Variants in CDK14 observed in about 807,000 individuals in gnomAD.
CDK14 encodes the protein cyclin-dependent kinase 14.
Under a neutral mutation model 60.7 loss-of-function variants are expected in CDK14, and 34 were observed. That is an observed-to-expected ratio of 0.56 (90% CI 0.43 to 0.75). The LOEUF (loss-of-function observed/expected upper bound fraction) is 0.75, where lower values mean the gene tolerates loss of function less well. CDK14 is among the 30% of genes least tolerant of loss of function. CDK14 has a pLI of 0.00. For synonymous variants in CDK14, 197 were observed against 203.7 expected (o/e 0.97, Z 0.28); for missense variants, 482 against 564.1 (o/e 0.85, Z 1.47).
At chr7:90,869,761 G>A (rs1013113688) in intron 6 of CDK14, among the ~76,000 whole-genome samples, 4 of 152,170 alleles carry the variant, frequency 2.6e-5, no homozygotes, top group East Asian at 1.9e-4. Flanking sequence ...TTAAAAGTGG[G>A]CAGGAACAGC....
intron 7 of CDK14, 101 bp from the exon 8 acceptor site, chr7:90,917,500 C>T: frequency 9.1e-7 from 1 of 1,100,778 alleles, no homozygotes; most frequent in Non-Finnish European, 1.3e-6. Flanking sequence ...GTGATGGTTA[C>T]CCATTTTCCC....
intron 10 of CDK14, among the ~76,000 whole-genome samples, chr7:91,037,458 G>C (rs1796965528): frequency 6.6e-6 from 1 of 151,838 alleles, no homozygotes; most frequent in South Asian, 2.1e-4. Flanking sequence ...GAGGGAGAGA[G>C]AGCATGAAAA....
chr7:91,120,196 T>C (rs1217968813), intron 14 of CDK14, among the ~76,000 whole-genome samples: 1 of 152,182 alleles, frequency 6.6e-6, no homozygotes, highest in Non-Finnish European at 1.5e-5. Context: ...CTTGGCTCTT[T>C]TGAGATCCCC....
At chr7:90,816,858 A>T (rs1183806206) in intron 5 of CDK14, among the ~76,000 whole-genome samples, 2 of 152,196 alleles carry the variant, frequency 1.3e-5, no homozygotes, top group South Asian at 4.1e-4. Flanking sequence ...ATTAGTGGTG[A>T]TGTAATCTGT....
rs986304953 is a variant in CDK14, at chr7:90,733,639, T to C, written c.369+6827T>C. 3.3e-5 allele frequency among the ~76,000 whole-genome samples: 5 copies of C among 152,164 alleles called. No homozygotes were observed. In the East Asian group the frequency reaches 7.7e-4, roughly 23 times the overall value. ...TGTTTTATCGAGTGCAACCCTTGCT[T>C]TTGTTGCTTTCCGTTTGGTTGGTAA... On this transcript the variant is annotated intron_variant, in intron 3 of 14. Transcript: ENST00000380050.
chr7:91,113,582 CT>C (rs1799531742), intron 13 of CDK14, among the ~76,000 whole-genome samples: 1 of 152,080 alleles, frequency 6.6e-6, no homozygotes, highest in African/African-American at 2.4e-5. Context: ...CTTCTATACT[CT>C]TTTCTGATTG....
At chr7:90,895,392 T>TCCC (rs1792281426) in intron 6 of CDK14, among the ~76,000 whole-genome samples, 1 of 8,374 alleles carries the variant, frequency 1.2e-4, no homozygotes, top group Non-Finnish European at 2.0e-4. Flanking sequence ...TCTCCTCTCC[T>TCCC]CTCCTCTCCT....
At chr7:91,163,887 C>G (rs1185773575) in intron 14 of CDK14, among the ~76,000 whole-genome samples, 5 of 152,036 alleles carry the variant, frequency 3.3e-5, no homozygotes, top group Non-Finnish European at 4.4e-5. Flanking sequence ...GTTATTATAA[C>G]CATTTAGGCT....
At chr7:90,777,148 A>G (rs1333844131) in intron 4 of CDK14, among the ~76,000 whole-genome samples, 2 of 152,174 alleles carry the variant, frequency 1.3e-5, no homozygotes, top group Admixed American at 1.3e-4. Flanking sequence ...AAATGTTCCC[A>G]GTTATGTTCT....
intron 10 of CDK14, among the ~76,000 whole-genome samples, chr7:90,988,157 CT>C (rs1219890982): frequency 1.3e-5 from 2 of 152,012 alleles, no homozygotes; most frequent in African/African-American, 2.4e-5. Flanking sequence ...TCCCTATTCT[CT>C]TTTTTTCTTC....
chr7:90,916,313 T>G (rs1793081280), intron 7 of CDK14, among the ~76,000 whole-genome samples: 1 of 152,232 alleles, frequency 6.6e-6, no homozygotes, highest in Admixed American at 6.5e-5. Flanking sequence ...ATTCTTGAGT[T>G]AGTCTTTTAA....
chr7:90,668,057 C>T (rs1584781209), intron 2 of CDK14, among the ~76,000 whole-genome samples: 1 of 152,068 alleles, frequency 6.6e-6, no homozygotes, highest in Non-Finnish European at 1.5e-5. Flanking sequence ...TTTGCTAGGT[C>T]GTATAGTAAC....
At chr7:90,917,966 G>T (rs1294303955) in intron 8 of CDK14, among the ~76,000 whole-genome samples, 1 of 151,688 alleles carries the variant, frequency 6.6e-6, no homozygotes, top group African/African-American at 2.4e-5. Flanking sequence ...TCAGATCTTG[G>T]TAATATATAT....
At chr7:91,030,767 C>A (rs1235343479) in intron 10 of CDK14, among the ~76,000 whole-genome samples, 1 of 152,216 alleles carries the variant, frequency 6.6e-6, no homozygotes, top group Non-Finnish European at 1.5e-5. Flanking sequence ...CACTAGAGTT[C>A]TTGTCACTTC....
At chr7:91,143,801 T>C (rs1026903244) in intron 14 of CDK14, among the ~76,000 whole-genome samples, 3 of 151,520 alleles carry the variant, frequency 2.0e-5, no homozygotes, top group Non-Finnish European at 2.9e-5. Context: ...TTTACATGAG[T>C]AATTTCATTT....
chr7:91,082,714 G>T (rs1466103620), intron 12 of CDK14, among the ~76,000 whole-genome samples: 1 of 152,110 alleles, frequency 6.6e-6, no homozygotes, highest in East Asian at 1.9e-4. Context: ...TAACTTCCAA[G>T]ACATATTTTA....
intron 8 of CDK14, among the ~76,000 whole-genome samples, chr7:90,938,860 T>C (rs1793830187): frequency 6.6e-6 from 1 of 152,238 alleles, no homozygotes; most frequent in African/African-American, 2.4e-5. Context: ...TGTATTTGTT[T>C]ACAACATTTG....
intron 14 of CDK14, among the ~76,000 whole-genome samples, chr7:91,178,857 A>G (rs367681077): frequency 0.06 from 9,009 of 151,266 alleles, 778 homozygotes; most frequent in African/African-American, 0.2. Flanking sequence ...TACACTGTTG[A>G]TGGGACTGTA....
rs1306948086 is a variant in CDK14, at chr7:90,917,702, G to A, written c.804G>A (p.Gly268=). 6.2e-7 allele frequency: 1 copy of A among 1,613,240 alleles called. No individual in the cohort carries two copies. The highest frequency in any genetic ancestry group is 2.2e-5 in the East Asian group (1 of 44,854). ...AGAACCTTCTGATCAGTGACACGGGGGAGTTAAAGCTGGCAGATTTCGGTA... is the reference window on the plus strand; with the variant it reads ...AGAACCTTCTGATCAGTGACACGGGAGAGTTAAAGCTGGCAGATTTCGGTA... ...KPQNLLISDT[G]ELKLADFGLA... Residue 268 remains glycine, a synonymous_variant, in exon 8 of 15, where the codon GGG becomes GGA. Transcript: ENST00000380050.
Sources: gnomAD v4.1 joint callset for allele counts (sites outside exome capture counted in the v4.1 genomes callset) on GRCh38, gnomAD v4.1.1 for gene constraint, MANE v1.5 for transcripts, NCBI Gene and HGNC (gene_info 2026-07-23, HGNC 2026-07-21) for gene names.